ASIC2: variants seen among roughly 807,000 people sequenced by gnomAD.
ASIC2 encodes the protein acid sensing ion channel subunit 2, also known as acid-sensing ion channel 2.
Under a neutral mutation model 57.3 loss-of-function variants are expected in ASIC2, and 25 were observed. That is an observed-to-expected ratio of 0.44 (90% CI 0.32 to 0.61). ASIC2 has a LOEUF of 0.61. Among genes scored for constraint, ASIC2 ranks in the 20% least tolerant of loss-of-function variants. The pLI, the probability that ASIC2 is intolerant of heterozygous loss-of-function variation, is 0.06. For missense variants in ASIC2, 641 were observed against 738.1 expected, an observed-to-expected ratio of 0.87 and a Z score of 1.52; for synonymous variants, 319 against 307.5, an observed-to-expected ratio of 1.04 and a Z score of -0.39.
intron 1 of ASIC2, among the ~76,000 whole-genome samples, chr17:33,488,088 T>C (rs980625512): frequency 1.3e-5 from 2 of 152,230 alleles, no homozygotes; most frequent in Non-Finnish European, 2.9e-5. Context: ...AATACAGTTG[T>C]TGTGGACAAT....
chr17:33,606,243 G>A (rs1050341420), intron 1 of ASIC2, among the ~76,000 whole-genome samples: 1 of 152,176 alleles, frequency 6.6e-6, no homozygotes, highest in Non-Finnish European at 1.5e-5. Flanking sequence ...GATGCCAGGA[G>A]GACAATGGGA....
intron 1 of ASIC2, among the ~76,000 whole-genome samples, chr17:33,464,479 TCTCTCTTTC>T (rs1912754007): frequency 1.2e-5 from 1 of 81,058 alleles, no homozygotes; most frequent in African/African-American, 5.2e-5. Context: ...TTCTTTCTTT[TCTCTCTTTC>T]TTTCTTTCTT....
chr17:33,212,970 T>C (rs397071), intron 1 of ASIC2, among the ~76,000 whole-genome samples: 106,733 of 152,134 alleles, frequency 0.7, 37,701 homozygotes, highest in Non-Finnish European at 0.75. Flanking sequence ...GCAAGTGTCG[T>C]GACTTCTCAG....
intron 1 of ASIC2, among the ~76,000 whole-genome samples, chr17:33,344,581 T>G (rs1191939677): frequency 6.6e-6 from 1 of 152,188 alleles, no homozygotes; most frequent in Non-Finnish European, 1.5e-5. Context: ...TTTCCTTGTC[T>G]GTAAACTGAG....
At chr17:33,595,922 T>C (rs958545285) in intron 1 of ASIC2, among the ~76,000 whole-genome samples, 1 of 152,252 alleles carries the variant, frequency 6.6e-6, no homozygotes, top group African/African-American at 2.4e-5. Flanking sequence ...GAGCCTCTTC[T>C]GTTGCAAGCT....
At position 33,112,047 on chromosome 17, in the gene ASIC2, C is replaced by T. The variant is rs770479044; in HGVS notation, c.729G>A (p.Lys243=). 8.7e-5 allele frequency: 141 copies of T among 1,613,650 alleles called. No individual in the cohort carries two copies. The highest frequency in any genetic ancestry group is 3.3e-4 in the Middle Eastern group (2 of 6,080). ...CCTCGCCTGAGTTAAACATGTAACA[C>T]TTCCCATATTTTGTAAACACCTGAA... is the stretch of plus-strand genomic sequence containing the variant. The part of the protein sequence containing the change: ...NFSSVFTKYG[K]CYMFNSGEDG... Residue 243 remains lysine, a synonymous_variant, in exon 2 of 10, where the codon AAG becomes AAA. Coordinates refer to ENST00000225823, the MANE Select transcript of ASIC2 (RefSeq NM_183377.2).
At chr17:33,407,804 G>C (rs554473993) in intron 1 of ASIC2, among the ~76,000 whole-genome samples, 1 of 152,226 alleles carries the variant, frequency 6.6e-6, no homozygotes, top group Non-Finnish European at 1.5e-5. Context: ...GAACCAGGTT[G>C]GGATTGGCTT....
At chr17:33,328,821 G>A (rs143392321) in intron 1 of ASIC2, among the ~76,000 whole-genome samples, 82 of 152,258 alleles carry the variant, frequency 5.4e-4, no homozygotes, top group African/African-American at 1.3e-3. Context: ...AGCAAATCCC[G>A]TGATACTAAC....
At chr17:33,146,910 C>T (rs895323282) in intron 1 of ASIC2, among the ~76,000 whole-genome samples, 4 of 152,224 alleles carry the variant, frequency 2.6e-5, no homozygotes, top group Admixed American at 2.0e-4. Context: ...TCATAGCAAA[C>T]CCAACCTGAG....
chr17:33,169,680 G>C (rs964731403), intron 1 of ASIC2, among the ~76,000 whole-genome samples: 1 of 152,154 alleles, frequency 6.6e-6, no homozygotes, highest in African/African-American at 2.4e-5. Flanking sequence ...TGCAGTGTTT[G>C]AGCTCATGGA....
intron 1 of ASIC2, among the ~76,000 whole-genome samples, chr17:33,519,873 C>T (rs1177154405): frequency 6.6e-6 from 1 of 152,180 alleles, no homozygotes; most frequent in Non-Finnish European, 1.5e-5. Context: ...AAGCCTGGGT[C>T]GTGGTCACTG....
chr17:33,281,142 C>A (rs77791651), intron 1 of ASIC2, among the ~76,000 whole-genome samples: 2 of 152,172 alleles, frequency 1.3e-5, no homozygotes, highest in Non-Finnish European at 2.9e-5. Context: ...GCGGTGTGAC[C>A]TTGAGCAACT....
chr17:33,767,285 C>A (rs140954412), intron 1 of ASIC2, among the ~76,000 whole-genome samples: 3 of 152,176 alleles, frequency 2.0e-5, no homozygotes, highest in Non-Finnish European at 4.4e-5. Context: ...ATTTCCTGTG[C>A]GCTGCAGAGT....
chr17:33,158,010 T>C (rs1315855857), intron 1 of ASIC2, among the ~76,000 whole-genome samples: 1 of 152,214 alleles, frequency 6.6e-6, no homozygotes, highest in Non-Finnish European at 1.5e-5. Flanking sequence ...TTGACATGGC[T>C]TTCTGCTCTC....
intron 4 of ASIC2, among the ~76,000 whole-genome samples, chr17:33,027,794 T>C (rs1449672477): frequency 6.6e-6 from 1 of 152,250 alleles, no homozygotes; most frequent in East Asian, 1.9e-4. Flanking sequence ...AGAGGTGTCA[T>C]TATGTGCACA....
chr17:33,762,491 A>G (rs1352757259), intron 1 of ASIC2, among the ~76,000 whole-genome samples: 1 of 152,102 alleles, frequency 6.6e-6, no homozygotes, highest in Non-Finnish European at 1.5e-5. Context: ...AAACATGATG[A>G]CCAGACCATT....
At chr17:33,339,661 G>A (rs1029947034) in intron 1 of ASIC2, among the ~76,000 whole-genome samples, 1 of 152,208 alleles carries the variant, frequency 6.6e-6, no homozygotes, top group African/African-American at 2.4e-5. Flanking sequence ...ATGCCAGGCA[G>A]TGCCTTCTAA....
intron 1 of ASIC2, among the ~76,000 whole-genome samples, chr17:33,344,384 ATTT>A (rs748328461): frequency 2.0e-5 from 3 of 152,086 alleles, no homozygotes; most frequent in Non-Finnish European, 4.4e-5. Flanking sequence ...GTTGGCTGTC[ATTT>A]TTACCTGGCA....
At chr17:34,037,722 A>G in intron 1 of ASIC2, 1 of 1,614,150 alleles carries the variant, frequency 6.2e-7, no homozygotes, top group South Asian at 1.1e-5. Flanking sequence ...GGCAACAAGT[A>G]GGGATCACAG....
Sources: allele counts gnomAD v4.1 joint callset (sites outside exome capture counted in the v4.1 genomes callset), GRCh38; gene constraint gnomAD v4.1.1; transcripts MANE v1.5; gene names NCBI Gene and HGNC (gene_info 2026-07-23, HGNC 2026-07-21).